LCLAT1: variants seen among roughly 807,000 people sequenced by gnomAD.
LCLAT1 encodes the protein lysocardiolipin acyltransferase 1.
A neutral mutation model predicts 30.7 loss-of-function variants in LCLAT1; 11 were observed. The observed-to-expected ratio is 0.36, with a 90% confidence interval of 0.23 to 0.59. The LOEUF is 0.59. LCLAT1 is among the 20% of genes least tolerant of loss of function. The probability of loss-of-function intolerance (pLI) is 0.77; values close to 1 mark genes in which losing one functional copy is unlikely to be tolerated. For missense variants in LCLAT1, 402 were observed against 458.6 expected, an observed-to-expected ratio of 0.88 and a Z score of 1.13; for synonymous variants, 155 against 151.3, an observed-to-expected ratio of 1.02 and a Z score of -0.18.
chr2:30,508,741 C>G (rs1684796948), intron 1 of LCLAT1, among the ~76,000 whole-genome samples: 1 of 151,974 alleles, frequency 6.6e-6, no homozygotes, highest in Non-Finnish European at 1.5e-5. Context: ...AAGTGAAGAG[C>G]TCTTTGGGCT....
intron 2 of LCLAT1, among the ~76,000 whole-genome samples, chr2:30,526,308 TC>T (rs1417729589): frequency 2.6e-5 from 4 of 152,172 alleles, no homozygotes; most frequent in African/African-American, 9.7e-5. Flanking sequence ...CCTTTTTTCT[TC>T]CCCTGTATTT....
intron 1 of LCLAT1, among the ~76,000 whole-genome samples, chr2:30,485,409 C>G (rs1683517192): frequency 6.6e-6 from 1 of 152,058 alleles, no homozygotes; most frequent in Admixed American, 6.6e-5. Context: ...GCAATGTCAT[C>G]TTTTTCAATA....
chr2:30,448,834 T>C (rs186287529), intron 1 of LCLAT1, among the ~76,000 whole-genome samples: 42 of 152,034 alleles, frequency 2.8e-4, no homozygotes, highest in Middle Eastern at 3.4e-3. Context: ...ATCATACAAC[T>C]TCACTATTGG....
intron 1 of LCLAT1, among the ~76,000 whole-genome samples, chr2:30,454,747 C>A (rs1255836935): frequency 6.6e-6 from 1 of 152,026 alleles, no homozygotes; most frequent in Admixed American, 6.6e-5. Context: ...CTGCACGTGG[C>A]CCTAGGTTGT....
At chr2:30,578,384 T>A (rs1396068176) in intron 5 of LCLAT1, among the ~76,000 whole-genome samples, 1 of 152,132 alleles carries the variant, frequency 6.6e-6, no homozygotes, top group Non-Finnish European at 1.5e-5. Flanking sequence ...AAAGTATGTG[T>A]GTGCATAGGG....
At chr2:30,604,799 A>C (rs1010910110) in intron 5 of LCLAT1, among the ~76,000 whole-genome samples, 3 of 152,224 alleles carry the variant, frequency 2.0e-5, no homozygotes, top group African/African-American at 4.8e-5. Context: ...AGAAGTTAAA[A>C]GCATCATACT....
chr2:30,601,586 A>ATACTT (rs1192842019), intron 5 of LCLAT1, among the ~76,000 whole-genome samples: 1 of 152,180 alleles, frequency 6.6e-6, no homozygotes, highest in African/African-American at 2.4e-5. Context: ...CCACCAACAA[A>ATACTT]TACTTTCAGT....
intron 5 of LCLAT1, among the ~76,000 whole-genome samples, chr2:30,634,469 T>C (rs1454249133): frequency 4.6e-5 from 7 of 152,102 alleles, no homozygotes; most frequent in Non-Finnish European, 1.0e-4. Context: ...CTACTAAAAA[T>C]ACAAAAATTA....
At chr2:30,469,556 T>A (rs1388866406) in intron 1 of LCLAT1, among the ~76,000 whole-genome samples, 1 of 151,268 alleles carries the variant, frequency 6.6e-6, no homozygotes, top group East Asian at 1.9e-4. Flanking sequence ...TCTCAATTAA[T>A]TGGGCTACAG....
intron 5 of LCLAT1, among the ~76,000 whole-genome samples, chr2:30,624,674 A>T (rs1390454481): frequency 6.6e-6 from 1 of 152,170 alleles, no homozygotes; most frequent in Non-Finnish European, 1.5e-5. Context: ...ATAGTGGGGG[A>T]CTTCTGTACT....
At chr2:30,483,259 T>C (rs763225907) in intron 1 of LCLAT1, among the ~76,000 whole-genome samples, 10 of 152,026 alleles carry the variant, frequency 6.6e-5, no homozygotes, top group Non-Finnish European at 1.0e-4. Flanking sequence ...AGGCTGAGGT[T>C]GGGGGGATCA....
intron 5 of LCLAT1, among the ~76,000 whole-genome samples, chr2:30,617,830 T>G (rs940732761): frequency 1.1e-4 from 16 of 152,214 alleles, no homozygotes; most frequent in African/African-American, 3.1e-4. Context: ...TTATCCAATT[T>G]AAAACATTGG....
At chr2:30,554,705 G>A (rs1454513472) in intron 3 of LCLAT1, among the ~76,000 whole-genome samples, 1 of 152,068 alleles carries the variant, frequency 6.6e-6, no homozygotes, top group African/African-American at 2.4e-5. Context: ...CCTAAAAATG[G>A]CTGCTATGAA....
intron 1 of LCLAT1, among the ~76,000 whole-genome samples, chr2:30,463,316 A>AT (rs1004004006): frequency 4.7e-4 from 71 of 152,176 alleles, no homozygotes; most frequent in African/African-American, 1.7e-3. Flanking sequence ...ATGTCATAAG[A>AT]TTTTTTGAAA....
intron 1 of LCLAT1, among the ~76,000 whole-genome samples, chr2:30,483,772 ACTC>A (rs1370737381): frequency 2.0e-5 from 3 of 152,048 alleles, no homozygotes; most frequent in African/African-American, 7.2e-5. Flanking sequence ...TAAAACTAAA[ACTC>A]CTACTGGATT....
chr2:30,581,513 A>G (rs774083495), intron 5 of LCLAT1, among the ~76,000 whole-genome samples: 7 of 152,250 alleles, frequency 4.6e-5, no homozygotes, highest in African/African-American at 1.7e-4. Context: ...CTAAGTGTTC[A>G]TAATCAGATG....
chr2:30,484,715 C>CA (rs1407386758), intron 1 of LCLAT1, among the ~76,000 whole-genome samples: 1 of 152,072 alleles, frequency 6.6e-6, no homozygotes, highest in African/African-American at 2.4e-5. Context: ...CTATTATGAT[C>CA]AGTGTTTAAC....
At chr2:30,577,787 ATTCTTC>A (rs148353400) in intron 5 of LCLAT1, among the ~76,000 whole-genome samples, 15 of 150,842 alleles carry the variant, frequency 9.9e-5, no homozygotes, top group East Asian at 2.0e-4. Flanking sequence ...TATTTGTGCT[ATTCTTC>A]TTCTTCTTCT....
chr2:30,505,667 C>T (rs980813308), intron 1 of LCLAT1, among the ~76,000 whole-genome samples: 1 of 152,034 alleles, frequency 6.6e-6, no homozygotes, highest in African/African-American at 2.4e-5. Context: ...TTAAAAGCTC[C>T]CTGGTGCTTT....
Sources: allele counts gnomAD v4.1 joint callset (sites outside exome capture counted in the v4.1 genomes callset), GRCh38; gene constraint gnomAD v4.1.1; transcripts MANE v1.5; gene names NCBI Gene and HGNC (gene_info 2026-07-23, HGNC 2026-07-21).